Variants in AGBL3 observed in about 807,000 individuals in gnomAD.
AGBL3 encodes the protein cytosolic carboxypeptidase 3.
A neutral mutation model predicts 94.5 loss-of-function variants in AGBL3; 68 were observed. The observed-to-expected ratio is 0.72, with a 90% CI of 0.59 to 0.88. The LOEUF (loss-of-function observed/expected upper bound fraction) is 0.88. Ranked by LOEUF, AGBL3 falls within the 40% of genes least tolerant of loss-of-function variation. The pLI, the probability that AGBL3 is intolerant of heterozygous loss-of-function variation, is 0.00. For missense variants in AGBL3, 934 were observed against 1,103.8 expected (o/e 0.85, Z 2.18); for synonymous variants, 354 against 370.7 (o/e 0.95, Z 0.52).
rs1382952903 is a variant in AGBL3 at position 134,993,547 on chromosome 7, A to G, written c.179A>G (p.Tyr60Cys). ...FPRTTQILLEYQLGRWVPRLR... is the reference protein window; with the variant it reads ...FPRTTQILLECQLGRWVPRLR... ...CGGACTACACAGATACTATTAGAATATCAGCTAGGGAGATGGGTGCCACGT... is the reference window on the plus strand; with the variant it reads ...CGGACTACACAGATACTATTAGAATGTCAGCTAGGGAGATGGGTGCCACGT... The change falls in exon 4 of 17, where the codon TAT becomes TGT. Residue 60 changes from tyrosine to cysteine, a missense_variant. Physicochemically the swap from Tyr to Cys is radical, Grantham distance 194. Transcript: ENST00000436302. 2 of 1,551,632 alleles carry G rather than the reference A, an allele frequency of 1.3e-6. No individual in the cohort carries two copies. Among genetic ancestry groups the G allele is most frequent in the African/African-American group, 1.4e-5 (1 of 73,038 alleles).
chr7:135,119,937 A>C (rs1826909259), intron 16 of AGBL3, among the ~76,000 whole-genome samples: 1 of 152,230 alleles, frequency 6.6e-6, no homozygotes, highest in Non-Finnish European at 1.5e-5. Context: ...CTACAGAGGA[A>C]AAACAATTTG....
At chr7:135,096,787 G>GAA (rs927180939) in intron 15 of AGBL3, among the ~76,000 whole-genome samples, 4 of 147,052 alleles carry the variant, frequency 2.7e-5, no homozygotes, top group Non-Finnish European at 4.5e-5. Context: ...AAGAAAGAAA[G>GAA]AAAGAAAAAG....
At chr7:135,023,779 C>T (rs1814776600) in intron 5 of AGBL3, among the ~76,000 whole-genome samples, 1 of 152,194 alleles carries the variant, frequency 6.6e-6, no homozygotes, top group Non-Finnish European at 1.5e-5. Context: ...CTTCCCAAGG[C>T]CCCTGCCTAG....
Position 135,122,907 on chromosome 7 carries a change from T to C in AGBL3, c.2342+7296T>C, listed in dbSNP as rs770417676. ...CATCCAAGGATCAGCGCCTCAAAGA[T>C]CAAAACTAGACAAACTCATGAAGAT... On this transcript the variant is annotated intron_variant, in intron 16 of 16. Transcript: ENST00000436302. Among the ~76,000 whole-genome samples, 49 of 151,698 alleles carry C rather than the reference T, an allele frequency of 3.2e-4. 1 individual carries two copies. Among genetic ancestry groups the C allele is most frequent in the Non-Finnish European group, 7.4e-5 (5 of 67,932 alleles).
Position 135,034,677 on chromosome 7 carries a change from G to A in AGBL3, c.1086G>A (p.Arg362=). 6.4e-7 allele frequency: 1 copy of A among 1,551,390 alleles called. No homozygotes were observed. The highest frequency in any genetic ancestry group is 8.7e-7 in the Non-Finnish European group (1 of 1,146,908). The change falls in exon 7 of 17, where the codon AGG becomes AGA. Residue 362 remains arginine, a synonymous_variant. Transcript: ENST00000436302. Reference sequence around the variant, plus strand: ...GGAAGGCTGTGATTCTGACTGCAAGGGTCCATCCAGGGGAAACCAACAGCT... The same window carrying A: ...GGAAGGCTGTGATTCTGACTGCAAGAGTCCATCCAGGGGAAACCAACAGCT... ...RKRKAVILTA[R]VHPGETNSSW... is the part of the protein sequence containing the mutation.
intron 15 of AGBL3, chr7:135,094,685 C>CA (rs1822386129): frequency 5.5e-6 from 2 of 363,768 alleles, no homozygotes; most frequent in East Asian, 1.5e-4. Context: ...AGGAGAAAAT[C>CA]AATAGGTTAG....
intron 16 of AGBL3, among the ~76,000 whole-genome samples, chr7:135,117,215 A>C (rs1022499929): frequency 7.0e-5 from 10 of 143,798 alleles, no homozygotes; most frequent in African/African-American, 2.5e-4. Context: ...ATGGAATGCC[A>C]AGCATGAGAT....
rs1276887789 is a variant in AGBL3 at position 135,034,871 on chromosome 7, C to T, written c.1280C>T (p.Thr427Ile). Residue 427 changes from threonine to isoleucine, a missense_variant, in exon 7 of 17, where the codon ACA becomes ATA. Physicochemically the swap from Thr to Ile is moderately conservative, Grantham distance 89. This residue lies in a region of AGBL3 where 488 missense variants were observed against 563.6 expected (regional missense o/e 0.87). Transcript: ENST00000436302. ...GGACGGGATTTAAACCGTAATTATACATCTCTCCTGAAGGAATCTTTTCCT... is the reference window on the plus strand; with the variant it reads ...GGACGGGATTTAAACCGTAATTATATATCTCTCCTGAAGGAATCTTTTCCT... ...LAGRDLNRNY[T>I]SLLKESFPSV... is the part of the protein sequence containing the mutation. The T allele has an allele frequency of 2.9e-5, 45 of 1,550,076 alleles. No homozygotes were observed. The Admixed American group carries it at 8.7e-4, about 30-fold the overall frequency.
intron 4 of AGBL3, among the ~76,000 whole-genome samples, chr7:135,002,643 A>C (rs1217789624): frequency 3.3e-5 from 5 of 152,188 alleles, no homozygotes; most frequent in Admixed American, 6.5e-5. Context: ...GTTATCTCCC[A>C]GGAGTTGGAC....
chr7:135,115,816 G>T, intron 16 of AGBL3: 1 of 493,144 alleles, frequency 2.0e-6, no homozygotes, highest in South Asian at 3.3e-5. Flanking sequence ...TTATTTAATT[G>T]ATTATTTGCA....
chr7:135,037,363 C>T, intron 7 of AGBL3, 55 bp from the exon 8 acceptor site: 1 of 1,427,368 alleles, frequency 7.0e-7, no homozygotes, highest in Admixed American at 2.6e-5. Context: ...ATAGTTGTAC[C>T]TATAGAAGAA....
Position 135,075,785 on chromosome 7 carries a change from G to A in AGBL3, c.1909-612G>A, listed in dbSNP as rs371488802. On this transcript the variant is annotated intron_variant, in intron 12 of 16. Transcript: ENST00000436302. ...CTATTTTAGCCATTCTGACAAGTGC[G>A]TTATCTCATTGTGGTTTTAATTTGC... 5.3e-4 allele frequency among the ~76,000 whole-genome samples: 80 copies of A among 152,318 alleles called. 2 individuals carry two copies. The South Asian group carries it at 0.016, about 30-fold the overall frequency.
chr7:135,051,243 G>A, intron 11 of AGBL3: 2 of 196,514 alleles, frequency 1.0e-5, no homozygotes, highest in Non-Finnish European at 2.1e-5. Context: ...TAGTGCCCCT[G>A]CAACCTTCCC....
intron 15 of AGBL3, among the ~76,000 whole-genome samples, chr7:135,113,226 T>C (rs1033571368): frequency 1.3e-5 from 2 of 152,234 alleles, no homozygotes; most frequent in African/African-American, 4.8e-5. Context: ...TATTTATCTT[T>C]TTATTTTCCT....
At position 135,080,267 on chromosome 7, in the gene AGBL3, T is replaced by C; in HGVS notation, c.2038+7T>C. 6.5e-7 allele frequency: 1 copy of C among 1,547,132 alleles called. No individual in the cohort carries two copies. Among genetic ancestry groups the C allele is most frequent in the Non-Finnish European group, 8.7e-7 (1 of 1,143,284 alleles). ...TCAAATTCTGATGTGAAAGGTAATA[T>C]TCTGCTTCTACCTTCTCATAAACAA... On this transcript the variant is annotated splice_region_variant and intron_variant, in intron 14 of 16. Coordinates refer to ENST00000436302, the MANE Select transcript of AGBL3 (RefSeq NM_178563.4).
intron 5 of AGBL3, among the ~76,000 whole-genome samples, chr7:135,029,638 CT>C (rs1160991562): frequency 1.3e-5 from 2 of 152,200 alleles, no homozygotes; most frequent in African/African-American, 4.8e-5. Flanking sequence ...TGTGTGTTCA[CT>C]GGAGTAGCAC....
chr7:135,130,320 A>G (rs1283435112), intron 16 of AGBL3, among the ~76,000 whole-genome samples: 1 of 152,190 alleles, frequency 6.6e-6, no homozygotes, highest in Non-Finnish European at 1.5e-5. Flanking sequence ...TTAATACCAC[A>G]AACGCTATGG....
chr7:135,029,377 G>GCA (rs1274379267), intron 5 of AGBL3, among the ~76,000 whole-genome samples: 1 of 152,172 alleles, frequency 6.6e-6, no homozygotes, highest in Non-Finnish European at 1.5e-5. Context: ...TGAAGTTTCT[G>GCA]CATCATCACT....
intron 4 of AGBL3, among the ~76,000 whole-genome samples, chr7:135,001,003 C>T (rs751116796): frequency 4.6e-5 from 7 of 152,152 alleles, no homozygotes; most frequent in Non-Finnish European, 5.9e-5. Context: ...CTATAGGTTC[C>T]CATTTAGCCA....
Sources: allele counts gnomAD v4.1 joint callset (sites outside exome capture counted in the v4.1 genomes callset), GRCh38; gene constraint gnomAD v4.1.1; regional missense constraint gnomAD v4.1.1; transcripts MANE v1.5; gene names NCBI Gene and HGNC (gene_info 2026-07-23, HGNC 2026-07-21).